The following ROBO2 variants were observed in gnomAD, a reference collection of about 807,000 sequenced individuals.
ROBO2 encodes the protein roundabout guidance receptor 2, also known as roundabout homolog 2.
A neutral mutation model predicts 160.8 loss-of-function variants in ROBO2; 53 were observed. That is an observed-to-expected ratio of 0.33 (90% confidence interval 0.26 to 0.41). The LOEUF (loss-of-function observed/expected upper bound fraction) is 0.41, where lower values mean the gene tolerates loss of function less well. Among genes scored for constraint, ROBO2 ranks in the 10% least tolerant of loss-of-function variants. The pLI is 1.00. For missense variants in ROBO2, 1,577 were observed against 1,722.4 expected, an observed-to-expected ratio of 0.92 and a Z score of 1.49; for synonymous variants, 664 against 611.7, an observed-to-expected ratio of 1.09 and a Z score of -1.26.
At chr3:76,946,430 T>G (rs2078546977) in intron 2 of ROBO2, among the ~76,000 whole-genome samples, 2 of 151,800 alleles carry the variant, frequency 1.3e-5, no homozygotes, top group Non-Finnish European at 2.9e-5. Flanking sequence ...TGTTGTTTGT[T>G]TTTTGTTTGT....
chr3:76,469,079 G>A (rs992651629), intron 2 of ROBO2, among the ~76,000 whole-genome samples: 4 of 151,870 alleles, frequency 2.6e-5, no homozygotes, highest in African/African-American at 9.7e-5. Context: ...CTTTATTAAT[G>A]AATTAAGTCA....
At chr3:77,493,943 G>T (rs2086459275) in intron 5 of ROBO2, among the ~76,000 whole-genome samples, 1 of 151,936 alleles carries the variant, frequency 6.6e-6, no homozygotes, top group South Asian at 2.1e-4. Flanking sequence ...TCTCTTCATG[G>T]AGACCTTCTC....
intron 2 of ROBO2, among the ~76,000 whole-genome samples, chr3:76,494,541 A>G (rs2080030460): frequency 6.6e-6 from 1 of 152,186 alleles, no homozygotes; most frequent in Non-Finnish European, 1.5e-5. Context: ...TCGACTTCCC[A>G]TCCTTGATGA....
intron 2 of ROBO2, among the ~76,000 whole-genome samples, chr3:77,439,671 A>C (rs2079707341): frequency 6.6e-6 from 1 of 152,254 alleles, no homozygotes; most frequent in South Asian, 2.1e-4. Flanking sequence ...TAAGGAGTAC[A>C]AGGCAACCTA....
chr3:76,296,159 CAG>C (rs1709063826), intron 2 of ROBO2, among the ~76,000 whole-genome samples: 1 of 151,964 alleles, frequency 6.6e-6, no homozygotes, highest in South Asian at 2.1e-4. Flanking sequence ...GATGTGATGA[CAG>C]AGGGAGAAAG....
chr3:77,412,338 C>T (rs2076871893), intron 2 of ROBO2, among the ~76,000 whole-genome samples: 1 of 152,232 alleles, frequency 6.6e-6, no homozygotes, highest in African/African-American at 2.4e-5. Context: ...TGGGACAGAG[C>T]TGCTGAGCTC....
intron 2 of ROBO2, among the ~76,000 whole-genome samples, chr3:77,135,857 A>C: frequency 6.6e-6 from 1 of 152,270 alleles, no homozygotes; most frequent in Admixed American, 6.5e-5. Flanking sequence ...TAACATCAGT[A>C]AACAAACAAA....
At chr3:76,163,667 A>G (rs1285087103) in intron 2 of ROBO2, among the ~76,000 whole-genome samples, 1 of 152,034 alleles carries the variant, frequency 6.6e-6, no homozygotes, top group East Asian at 1.9e-4. Context: ...TGTTTTTTTC[A>G]ATGCATATCA....
chr3:75,952,076 C>T (rs1485875677), intron 2 of ROBO2, among the ~76,000 whole-genome samples: 1 of 151,980 alleles, frequency 6.6e-6, no homozygotes, highest in African/African-American at 2.4e-5. Context: ...CAATGTCTTA[C>T]ATTTTCAGAA....
intron 2 of ROBO2, among the ~76,000 whole-genome samples, chr3:76,782,038 T>G (rs2062678282): frequency 6.6e-6 from 1 of 150,700 alleles, no homozygotes; most frequent in Admixed American, 6.6e-5. Context: ...TCAGTCTACT[T>G]GTATGTTATT....
At chr3:77,201,967 A>C (rs1292710537) in intron 2 of ROBO2, among the ~76,000 whole-genome samples, 1 of 152,188 alleles carries the variant, frequency 6.6e-6, no homozygotes, top group African/African-American at 2.4e-5. Context: ...AAAATTGTAC[A>C]TTTAGATTAC....
At chr3:75,915,552 C>T (rs1185425725) in intron 1 of ROBO2, among the ~76,000 whole-genome samples, 7 of 152,050 alleles carry the variant, frequency 4.6e-5, no homozygotes, top group Non-Finnish European at 7.4e-5. Flanking sequence ...ACTGTGAATT[C>T]TGAATTTGCA....
At chr3:77,261,501 A>AT (rs1402281863) in intron 2 of ROBO2, among the ~76,000 whole-genome samples, 1 of 152,120 alleles carries the variant, frequency 6.6e-6, no homozygotes, top group Non-Finnish European at 1.5e-5. Flanking sequence ...TAAAAAGGAG[A>AT]TTTTATTGTG....
chr3:76,201,405 T>G (rs1053499676), intron 2 of ROBO2, among the ~76,000 whole-genome samples: 1 of 152,168 alleles, frequency 6.6e-6, no homozygotes, highest in African/African-American at 2.4e-5. Flanking sequence ...ATCTTGTTCC[T>G]TAGTTAAGAG....
At chr3:77,593,538 A>AG (rs2094227676) in intron 17 of ROBO2, among the ~76,000 whole-genome samples, 1 of 152,206 alleles carries the variant, frequency 6.6e-6, no homozygotes, top group African/African-American at 2.4e-5. Flanking sequence ...GATATTACAC[A>AG]TAAAATTGAT....
intron 11 of ROBO2, 118 bp from the exon 13 acceptor site, chr3:77,564,836 T>TTG (rs3832237): frequency 0.03 from 23,494 of 784,574 alleles, 537 homozygotes; most frequent in East Asian, 0.13. Flanking sequence ...ACTTCAAGTG[T>TTG]TGTGTGTGTG....
Position 76,908,486 on chromosome 3 carries a change from T to G in ROBO2, c.110-189528T>G, listed in dbSNP as rs147236880. 3.5e-3 allele frequency among the ~76,000 whole-genome samples: 532 copies of G among 152,300 alleles called. 2 individuals carry two copies. Among genetic ancestry groups the G allele is most frequent in the Admixed American group, 6.6e-3 (101 of 15,294 alleles). On this transcript the variant is annotated intron_variant, in intron 2 of 26. Coordinates refer to the ROBO2 transcript ENST00000487694. ...AACTAGGTGACTGGTTTCACTAACT[T>G]TCAGAGTAGAAAGATTCTCAAAACC...
intron 2 of ROBO2, among the ~76,000 whole-genome samples, chr3:76,498,594 A>T (rs949740180): frequency 4.6e-5 from 7 of 151,766 alleles, no homozygotes; most frequent in African/African-American, 1.7e-4. Context: ...TTAAAAATTT[A>T]TTAATTAAAG....
At chr3:76,879,910 G>A (rs886981364) in intron 2 of ROBO2, among the ~76,000 whole-genome samples, 15 of 152,104 alleles carry the variant, frequency 9.9e-5, no homozygotes, top group Admixed American at 7.2e-4. Flanking sequence ...ATTTGACTGA[G>A]TAAATTTTGC....
Sources: allele counts gnomAD v4.1 joint callset (sites outside exome capture counted in the v4.1 genomes callset), GRCh38; gene constraint gnomAD v4.1.1; transcripts MANE v1.5; gene names NCBI Gene and HGNC (gene_info 2026-07-23, HGNC 2026-07-21).